Variants in LNP1 observed in about 807,000 individuals in gnomAD.
LNP1 encodes the protein leukemia NUP98 fusion partner 1.
LNP1 carries 12 observed loss-of-function variants against 14.5 expected under a neutral mutation model. That is an observed-to-expected ratio of 0.83 (90% CI 0.53 to 1.34). LNP1 has a LOEUF of 1.34. Among genes scored for constraint, LNP1 ranks in the 40% most tolerant of loss-of-function variants. LNP1 has a pLI of 0.00. For synonymous variants in LNP1, 75 were observed against 71.4 expected (o/e 1.05, Z -0.26); for missense variants, 198 against 210.9 (o/e 0.94, Z 0.38).
intron 1 of LNP1, among the ~76,000 whole-genome samples, chr3:100,426,072 G>A (rs992923441): frequency 6.6e-6 from 1 of 152,202 alleles, no homozygotes; most frequent in African/African-American, 2.4e-5. Context: ...CCCACTCTCT[G>A]TGATGTGCTC....
At chr3:100,403,583 G>A (rs1706933866) in intron 1 of LNP1, among the ~76,000 whole-genome samples, 1 of 152,002 alleles carries the variant, frequency 6.6e-6, no homozygotes, top group South Asian at 2.1e-4. Context: ...TCCTCCCTCA[G>A]CGTCCCAGTA....
chr3:100,423,763 TG>T (rs1467197666), intron 1 of LNP1, among the ~76,000 whole-genome samples: 1 of 152,188 alleles, frequency 6.6e-6, no homozygotes, highest in Admixed American at 6.5e-5. Flanking sequence ...AAGCTGCAGC[TG>T]TCGCAGTCAC....
chr3:100,439,802 C>A (rs540351520), intron 2 of LNP1, among the ~76,000 whole-genome samples: 22 of 152,196 alleles, frequency 1.4e-4, no homozygotes, highest in African/African-American at 4.6e-4. Context: ...ACTACCATGA[C>A]TGACCTATTT....
At chr3:100,440,512 G>A (rs1473869332) in intron 2 of LNP1, among the ~76,000 whole-genome samples, 1 of 152,110 alleles carries the variant, frequency 6.6e-6, no homozygotes, top group Non-Finnish European at 1.5e-5. Context: ...ACTCCTGCCA[G>A]TGTTGGTATT....
intron 1 of LNP1, 111 bp from the exon 2 acceptor site, chr3:100,429,586 T>C: frequency 1.5e-6 from 1 of 685,774 alleles, no homozygotes; most frequent in Non-Finnish European, 2.5e-6. Flanking sequence ...CCTTTAAGGA[T>C]GCCAGTATCG....
intron 1 of LNP1, among the ~76,000 whole-genome samples, chr3:100,424,436 A>G (rs1472370026): frequency 2.0e-5 from 3 of 152,228 alleles, no homozygotes; most frequent in Non-Finnish European, 2.9e-5. Context: ...GTCCTCTCCC[A>G]GTGGAGTTAC....
intron 1 of LNP1, among the ~76,000 whole-genome samples, chr3:100,422,650 A>G (rs928923622): frequency 6.6e-6 from 1 of 152,128 alleles, no homozygotes; most frequent in Non-Finnish European, 1.5e-5. Context: ...TTGGCTCTTC[A>G]AAATCTCTTC....
At chr3:100,426,783 C>A (rs1029040233) in intron 1 of LNP1, among the ~76,000 whole-genome samples, 1 of 152,062 alleles carries the variant, frequency 6.6e-6, no homozygotes, top group South Asian at 2.1e-4. Flanking sequence ...CATTGTAATT[C>A]ATCTAGTAGC....
intron 1 of LNP1, among the ~76,000 whole-genome samples, chr3:100,411,344 G>C (rs1242308882): frequency 6.6e-6 from 1 of 152,182 alleles, no homozygotes; most frequent in East Asian, 1.9e-4. Flanking sequence ...TCCCATACCT[G>C]ATTTAGATGA....
chr3:100,420,843 G>C (rs767424941), intron 1 of LNP1, among the ~76,000 whole-genome samples: 1 of 151,296 alleles, frequency 6.6e-6, no homozygotes, highest in Non-Finnish European at 1.5e-5. Flanking sequence ...TTATGCTTTT[G>C]GTGTCAAGTC....
chr3:100,429,458 GATTA>G, intron 1 of LNP1, among the ~76,000 whole-genome samples: 1 of 152,338 alleles, frequency 6.6e-6, no homozygotes, highest in Non-Finnish European at 1.5e-5. Flanking sequence ...GCAATGGAAG[GATTA>G]GAAAGCCTCT....
intron 1 of LNP1, among the ~76,000 whole-genome samples, chr3:100,403,585 G>A (rs769311189): frequency 3.9e-5 from 6 of 151,972 alleles, no homozygotes; most frequent in Non-Finnish European, 8.8e-5. Flanking sequence ...CTCCCTCAGC[G>A]TCCCAGTAGC....
chr3:100,423,489 C>T (rs1209478377), intron 1 of LNP1, among the ~76,000 whole-genome samples: 4 of 152,102 alleles, frequency 2.6e-5, no homozygotes, highest in Non-Finnish European at 5.9e-5. Flanking sequence ...GAGACCTCAT[C>T]TCTATAAAAA....
At chr3:100,404,428 C>T (rs1447190726) in intron 1 of LNP1, among the ~76,000 whole-genome samples, 1 of 152,154 alleles carries the variant, frequency 6.6e-6, no homozygotes, top group Non-Finnish European at 1.5e-5. Flanking sequence ...CTATTGAGCA[C>T]TTGAAATGTA....
chr3:100,429,637 G>A, intron 1 of LNP1, 60 bp from the exon 2 acceptor site: 1 of 1,116,414 alleles, frequency 9.0e-7, no homozygotes, highest in South Asian at 1.6e-5. Flanking sequence ...TGTCTTTTGG[G>A]AGAGATCCTG....
At chr3:100,409,611 T>A (rs1337169270) in intron 1 of LNP1, among the ~76,000 whole-genome samples, 1,697 of 147,850 alleles carry the variant, frequency 0.011, 36 homozygotes, top group African/African-American at 0.038. Context: ...TATATATTTT[T>A]TTTTTTTTTG....
intron 2 of LNP1, among the ~76,000 whole-genome samples, chr3:100,441,745 C>T (rs1707345863): frequency 6.6e-6 from 1 of 152,084 alleles, no homozygotes; most frequent in South Asian, 2.1e-4. Context: ...TCACTGCAAC[C>T]TCCACCTCGT....
At chr3:100,406,254 C>G (rs530576477) in intron 1 of LNP1, among the ~76,000 whole-genome samples, 1 of 152,164 alleles carries the variant, frequency 6.6e-6, no homozygotes, top group South Asian at 2.1e-4. Context: ...CTATTATACT[C>G]CAGCCTGGGT....
At chr3:100,410,144 G>A (rs527813179) in intron 1 of LNP1, among the ~76,000 whole-genome samples, 22 of 152,230 alleles carry the variant, frequency 1.4e-4, no homozygotes, top group South Asian at 8.3e-4. Context: ...GGTACAGGCT[G>A]GAAGATTTTT....
Sources: gnomAD v4.1 joint callset for allele counts (sites outside exome capture counted in the v4.1 genomes callset) on GRCh38, gnomAD v4.1.1 for gene constraint, MANE v1.5 for transcripts, NCBI Gene and HGNC (gene_info 2026-07-23, HGNC 2026-07-21) for gene names.